Variants in CPT1A observed in about 807,000 individuals in gnomAD.
The protein encoded by CPT1A is carnitine O-palmitoyltransferase 1, liver isoform.
Under a neutral mutation model 100.8 loss-of-function variants are expected in CPT1A, and 64 were observed. That is an observed-to-expected ratio of 0.63 (90% CI 0.52 to 0.78). The LOEUF is 0.78. CPT1A is among the 30% of genes least tolerant of loss of function. CPT1A has a pLI of 0.00. For missense variants in CPT1A, 802 were observed against 1,034.1 expected, an observed-to-expected ratio of 0.78 and a Z score of 3.08; for synonymous variants, 363 against 396.0, an observed-to-expected ratio of 0.92 and a Z score of 0.99.
rs554391844 is a variant in CPT1A, at chr11:68,798,459, T to C, written c.693+759A>G. On this transcript the variant is annotated intron_variant, in intron 6 of 18. Coordinates refer to ENST00000265641, the MANE Select transcript of CPT1A (RefSeq NM_001876.4). Reference sequence around the variant, plus strand: ...GTCGCTTTGGACACCTTCTCTTCCGTGTTAGTTGTTCCTCAAAGCTAGACT... The same window carrying C: ...GTCGCTTTGGACACCTTCTCTTCCGCGTTAGTTGTTCCTCAAAGCTAGACT... 9.2e-5 allele frequency among the ~76,000 whole-genome samples: 14 copies of C among 152,050 alleles called. No individual in the cohort carries two copies. The South Asian group carries it at 2.9e-3, about 32-fold the overall frequency.
chr11:68,830,331 C>T (rs374928868), intron 1 of CPT1A, among the ~76,000 whole-genome samples: 153 of 152,178 alleles, frequency 1.0e-3, no homozygotes, highest in Middle Eastern at 6.8e-3. Flanking sequence ...GTGGAGATCG[C>T]CCACCTGGAG....
rs1392017125 is a variant in CPT1A, at chr11:68,756,364, A to AT, written c.*1279dup. 3 of 152,276 alleles carry AT rather than the reference A, an allele frequency of 2.0e-5. No homozygotes were observed. Among genetic ancestry groups the AT allele is most frequent in the African/African-American group, 7.2e-5 (3 of 41,464 alleles). The allele number at this position is 152,276 out of a possible 1,614,324, so 9.4% of individuals were successfully genotyped here. ...TTAAATACTGAAGATGACTCAGTGC[A>AT]TAATTGCTTTGTGGTCCATGAGACG... On this transcript the variant is annotated 3_prime_UTR_variant, in exon 19 of 19. Coordinates refer to ENST00000265641, the MANE Select transcript of CPT1A (RefSeq NM_001876.4).
At chr11:68,837,420 C>T (rs1392185070) in intron 1 of CPT1A, among the ~76,000 whole-genome samples, 3 of 152,178 alleles carry the variant, frequency 2.0e-5, no homozygotes, top group Admixed American at 1.3e-4. Flanking sequence ...ACCTGATGAC[C>T]ACAGGACCCC....
rs1459371767 is a variant in CPT1A at position 68,816,623 on chromosome 11, G to A, written c.-13-1136C>T. On this transcript the variant is annotated intron_variant, in intron 1 of 18. Coordinates refer to ENST00000265641, the MANE Select transcript of CPT1A (RefSeq NM_001876.4). ...CCCCATCCCCTCCTGGACCCCCCGG[G>A]GTGGTGGCTCCTGCCCTTCTCACGG... 2.0e-5 allele frequency among the ~76,000 whole-genome samples: 3 copies of A among 152,302 alleles called. No individual in the cohort carries two copies. The South Asian group carries it at 6.2e-4, about 32-fold the overall frequency.
chr11:68,768,786 G>A (rs763592863), intron 14 of CPT1A, among the ~76,000 whole-genome samples: 2 of 152,112 alleles, frequency 1.3e-5, no homozygotes, highest in Non-Finnish European at 2.9e-5. Context: ...CATGTGCAGG[G>A]TCAAAGTTAT....
intron 12 of CPT1A, among the ~76,000 whole-genome samples, chr11:68,775,874 C>T (rs1176621653): frequency 6.6e-6 from 1 of 152,186 alleles, no homozygotes; most frequent in Non-Finnish European, 1.5e-5. Flanking sequence ...CTCCTAGGTA[C>T]ATACTCACTG....
At chr11:68,776,952 AAAC>A (rs1333396641) in intron 12 of CPT1A, among the ~76,000 whole-genome samples, 2 of 152,158 alleles carry the variant, frequency 1.3e-5, no homozygotes, top group Admixed American at 6.5e-5. Context: ...AGGGAGGTAA[AAAC>A]AACAACACAA....
At chr11:68,768,228 A>C (rs1854876199) in intron 14 of CPT1A, among the ~76,000 whole-genome samples, 2 of 150,206 alleles carry the variant, frequency 1.3e-5, no homozygotes, top group African/African-American at 4.9e-5. Flanking sequence ...GGCGCCCGCC[A>C]CCGCGCCCGG....
Position 68,775,376 on chromosome 11 carries a change from T to C in CPT1A, c.1515A>G (p.Lys505=). The change falls in exon 13 of 19, where the codon AAA becomes AAG. Residue 505 remains lysine, a synonymous_variant. Transcript: ENST00000265641. ...QLGYAEDGHC[K]GDINPNIPYP... ...ACGGAATGTTCGGATTGATGTCGCCTTTGCAGTGCCCATCCTCCGCATAGC... is the reference window on the plus strand; with the variant it reads ...ACGGAATGTTCGGATTGATGTCGCCCTTGCAGTGCCCATCCTCCGCATAGC... The C allele has an allele frequency of 6.2e-7, 1 of 1,614,234 alleles. No homozygotes were observed. Among genetic ancestry groups the C allele is most frequent in the South Asian group, 1.1e-5 (1 of 91,090 alleles).
chr11:68,826,503 G>C (rs1439437541), intron 1 of CPT1A, among the ~76,000 whole-genome samples: 1 of 151,622 alleles, frequency 6.6e-6, no homozygotes, highest in African/African-American at 2.4e-5. Flanking sequence ...GGGAGGCCGA[G>C]GGGGGCAGAT....
chr11:68,784,769 G>A lies in CPT1A; in HGVS notation c.1163+46C>T, dbSNP rs17848449. The A allele has an allele frequency of 7.8e-5, 123 of 1,566,964 alleles. 1 individual carries two copies. The South Asian group carries it at 9.9e-4, about 13-fold the overall frequency. On this transcript the variant is annotated intron_variant, in intron 10 of 18. Coordinates refer to ENST00000265641, the MANE Select transcript of CPT1A (RefSeq NM_001876.4). ...GGGATGGGCCCCAGTGAGGAAGAGC[G>A]CCTCCACCACCCCCCAAAACAGGAC...
At chr11:68,797,716 G>C (rs907925575) in intron 6 of CPT1A, among the ~76,000 whole-genome samples, 1 of 152,156 alleles carries the variant, frequency 6.6e-6, no homozygotes, top group African/African-American at 2.4e-5. Context: ...GGTGGCTCAC[G>C]CCTGTCATCC....
At chr11:68,814,731 G>C (rs1488310164) in intron 2 of CPT1A, among the ~76,000 whole-genome samples, 3 of 152,078 alleles carry the variant, frequency 2.0e-5, no homozygotes, top group African/African-American at 7.2e-5. Context: ...CTGTTGCCCA[G>C]GCTGGAGTGT....
chr11:68,806,348 T>C (rs1856045446), intron 4 of CPT1A, among the ~76,000 whole-genome samples: 1 of 152,106 alleles, frequency 6.6e-6, no homozygotes, highest in Non-Finnish European at 1.5e-5. Flanking sequence ...ACATTTAAAT[T>C]GAGACCGGGT....
intron 18 of CPT1A, among the ~76,000 whole-genome samples, chr11:68,758,098 T>A (rs1400420069): frequency 6.6e-6 from 1 of 152,074 alleles, no homozygotes; most frequent in Non-Finnish European, 1.5e-5. Flanking sequence ...TGAAACCACA[T>A]TTCTACAAAA....
At chr11:68,816,945 TGTGTGTG>T (rs1466912028) in intron 1 of CPT1A, among the ~76,000 whole-genome samples, 16 of 102,562 alleles carry the variant, frequency 1.6e-4, no homozygotes, top group Non-Finnish European at 1.9e-4. Context: ...GTGGGGTGAG[TGTGTGTG>T]GTGTGTATGG....
At chr11:68,827,534 C>A (rs1424260937) in intron 1 of CPT1A, among the ~76,000 whole-genome samples, 1 of 151,740 alleles carries the variant, frequency 6.6e-6, no homozygotes, top group African/African-American at 2.4e-5. Context: ...ACCCCACCCC[C>A]ACCAGTTTGT....
At chr11:68,802,938 G>C (rs1477083072) in intron 5 of CPT1A, among the ~76,000 whole-genome samples, 1 of 147,690 alleles carries the variant, frequency 6.8e-6, no homozygotes. Flanking sequence ...AAAAAGAAAT[G>C]AGTAGCTTTG....
chr11:68,841,030 G>C lies in CPT1A; in HGVS notation c.-14+745C>G, dbSNP rs1857147044. 1.3e-5 allele frequency among the ~76,000 whole-genome samples: 2 copies of C among 152,252 alleles called. No homozygotes were observed. ...CGGCACCCTCATCCTGCTCACGGCA[G>C]CGCTCGGACCGCGCCTGGAGTCCCT... On this transcript the variant is annotated intron_variant, in intron 1 of 18. Coordinates refer to ENST00000265641, the MANE Select transcript of CPT1A (RefSeq NM_001876.4). This position sits in a 1 kb window ranked among gnomAD's most constrained non-coding sequence, Gnocchi z 6.3.
Sources: allele counts gnomAD v4.1 joint callset (sites outside exome capture counted in the v4.1 genomes callset), GRCh38; gene constraint gnomAD v4.1.1; non-coding constraint Gnocchi (gnomAD v3.1); transcripts MANE v1.5; gene names NCBI Gene and HGNC (gene_info 2026-07-23, HGNC 2026-07-21).